The following PATL1 variants were observed in gnomAD, a reference collection of about 807,000 sequenced individuals.
The protein encoded by PATL1 is PAT1 homolog 1, processing body mRNA decay factor.
In PATL1, 32 loss-of-function variants were observed where a neutral mutation model predicts 100.6. That is an observed-to-expected ratio of 0.32 (90% CI 0.24 to 0.43). The LOEUF is 0.43. Among genes scored for constraint, PATL1 ranks in the 20% least tolerant of loss-of-function variants. PATL1 has a pLI of 1.00. For missense variants in PATL1, 747 were observed against 949.9 expected (o/e 0.79, Z 2.81); for synonymous variants, 332 against 330.0 (o/e 1.01, Z -0.07).
rs1490968273 is a variant in PATL1, at chr11:59,639,121, G to A, written c.2218C>T (p.Pro740Ser). The change falls in exon 18 of 19, where the codon CCT (proline) becomes TCT (serine). Residue 740 changes from proline to serine, a missense_variant. This residue lies in a region of PATL1 where 434 missense variants were observed against 596.1 expected (regional missense o/e 0.73). Transcript: ENST00000300146. ...QAALAKPISI[P>S]TNLVSLFSRY... ...GAAAAGAGGGACACTAGGTTTGTAG[G>A]TATAGAGATTGGCTTGGCCAGGGCT... 1.9e-6 allele frequency: 3 copies of A among 1,614,028 alleles called. No individual in the cohort carries two copies. Among genetic ancestry groups the A allele is most frequent in the Admixed American group, 1.7e-5 (1 of 60,016 alleles).
chr11:59,652,342 T>C, intron 11 of PATL1, 122 bp downstream of exon 11: 1 of 1,377,494 alleles, frequency 7.3e-7, no homozygotes, highest in Non-Finnish European at 9.6e-7. Context: ...ACAATGGTAC[T>C]TTTAAAATCA....
chr11:59,654,772 A>G (rs1861501725), intron 8 of PATL1, among the ~76,000 whole-genome samples: 1 of 152,200 alleles, frequency 6.6e-6, no homozygotes, highest in South Asian at 2.1e-4. Flanking sequence ...TATTTGGTCA[A>G]ACACTGTTTA....
At chr11:59,644,543 C>G (rs939738904) in intron 15 of PATL1, among the ~76,000 whole-genome samples, 4 of 152,082 alleles carry the variant, frequency 2.6e-5, no homozygotes, top group African/African-American at 4.8e-5. Flanking sequence ...TGGCCCTTTT[C>G]TCTTGTTATT....
At chr11:59,658,767 T>C (rs1861580665) in intron 4 of PATL1, 99 bp downstream of exon 4, 7 of 853,610 alleles carry the variant, frequency 8.2e-6, no homozygotes, top group Non-Finnish European at 1.3e-5. Flanking sequence ...TTCTAGCAAA[T>C]GAAAGACCTA....
At chr11:59,658,163 C>CAA (rs746089908) in intron 4 of PATL1, among the ~76,000 whole-genome samples, 4 of 107,986 alleles carry the variant, frequency 3.7e-5, no homozygotes, top group Non-Finnish European at 5.6e-5. Context: ...GACCTGGTCT[C>CAA]AAAAAAAAAA....
Position 59,659,422 on chromosome 11 carries a change from T to C in PATL1, c.175A>G (p.Lys59Glu). 1 of 1,551,382 alleles carries C rather than the reference T, an allele frequency of 6.4e-7. No homozygotes were observed. The highest frequency in any genetic ancestry group is 8.7e-7 in the Non-Finnish European group (1 of 1,146,928). The change falls in exon 3 of 19, where the codon AAG becomes GAG. Residue 59 changes from lysine (K) to glutamate (E), a missense_variant. Physicochemically the swap from Lys to Glu is moderately conservative, Grantham distance 56. This residue lies in a region of PATL1 where 183 missense variants were observed against 221.2 expected (regional missense o/e 0.83). Coordinates refer to ENST00000300146, the MANE Select transcript of PATL1 (RefSeq NM_152716.3). ...AHERLAELEE[K>E]LPVAVNEQTG... ...TGTTCATTAACTGCCACTGGTAGCT[T>C]TTCTTCCAATTCAGCCAGGCGCTCA... is the stretch of plus-strand genomic sequence containing the variant.
chr11:59,650,483 C>T (rs936995317), intron 13 of PATL1, among the ~76,000 whole-genome samples: 2 of 152,176 alleles, frequency 1.3e-5, no homozygotes, highest in African/African-American at 4.8e-5. Flanking sequence ...GTGACTTGCC[C>T]AGACACTCAG....
chr11:59,653,811 GCTT>G (rs1370575096), intron 9 of PATL1, among the ~76,000 whole-genome samples, 169 bp downstream of exon 9: 1 of 151,934 alleles, frequency 6.6e-6, no homozygotes, highest in Non-Finnish European at 1.5e-5. Context: ...TCTGTTCCTT[GCTT>G]CTTTACTCAA....
rs748024058 is a variant in PATL1, at chr11:59,655,628, A to C, written c.926T>G (p.Leu309Arg). Residue 309 changes from leucine (L) to arginine (R), a missense_variant, in exon 8 of 19, where the codon CTT becomes CGT. This residue lies in a region of PATL1 where 434 missense variants were observed against 596.1 expected (regional missense o/e 0.73). Coordinates refer to ENST00000300146, the MANE Select transcript of PATL1 (RefSeq NM_152716.3). ...GGCACGGAAGCCTGGTGCTGGGGGA[A>C]GCATCTGCCCAACTCGCCCTTGTAG... is the stretch of plus-strand genomic sequence containing the variant. ...KLLQGRVGQM[L>R]PPAPGFRAFF... 6.3e-6 allele frequency: 10 copies of C among 1,598,174 alleles called. No individual in the cohort carries two copies. The highest frequency in any genetic ancestry group is 8.5e-6 in the Non-Finnish European group (10 of 1,172,234).
At chr11:59,656,450 G>A in intron 6 of PATL1, 49 bp downstream of exon 6, 1 of 1,460,438 alleles carries the variant, frequency 6.8e-7, no homozygotes, top group South Asian at 1.2e-5. Context: ...TACAAATAGT[G>A]ATCAGAAAAT....
Position 59,652,594 on chromosome 11 carries a change from C to T in PATL1, c.1303-7G>A, listed in dbSNP as rs754532776. On this transcript the variant is annotated splice_region_variant and splice_polypyrimidine_tract_variant and intron_variant, in intron 10 of 18. Transcript: ENST00000300146. ...CCAGTTTTTCAAAGTAATTCTACCA[C>T]GAGAAGATGATTTCAGTTGTAACAC... 86 of 1,612,424 alleles carry T rather than the reference C, an allele frequency of 5.3e-5. No homozygotes were observed. The highest frequency in any genetic ancestry group is 1.2e-4 in the South Asian group (11 of 90,802).
At chr11:59,653,378 G>C (rs899957887) in intron 9 of PATL1, among the ~76,000 whole-genome samples, 7 of 152,174 alleles carry the variant, frequency 4.6e-5, no homozygotes, top group African/African-American at 9.7e-5. Flanking sequence ...CATACATCTA[G>C]TGGTGGACTA....
rs114225874 is a variant in PATL1, at chr11:59,664,413, T to C, written c.127+2440A>G. On this transcript the variant is annotated intron_variant, in intron 2 of 18. Coordinates refer to ENST00000300146, the MANE Select transcript of PATL1 (RefSeq NM_152716.3). ...GTTGAAAACTGAGAACATGGTACAATGCTGCCTCATTTTAATGTCTATAAA... is the reference window on the plus strand; with the variant it reads ...GTTGAAAACTGAGAACATGGTACAACGCTGCCTCATTTTAATGTCTATAAA... Among the ~76,000 whole-genome samples, 161 of 152,332 alleles carry C rather than the reference T, an allele frequency of 1.1e-3. 1 individual carries two copies. The highest frequency in any genetic ancestry group is 3.6e-3 in the African/African-American group (150 of 41,582).
intron 1 of PATL1, chr11:59,667,207 A>C (rs1043319707): frequency 3.9e-6 from 2 of 514,640 alleles, no homozygotes; most frequent in Admixed American, 1.3e-4. Flanking sequence ...ACAGCATTCC[A>C]TTTCTCTATT....
intron 10 of PATL1, 93 bp from the exon 11 acceptor site, chr11:59,652,680 G>A: frequency 6.5e-7 from 1 of 1,549,854 alleles, no homozygotes; most frequent in Non-Finnish European, 8.7e-7. Flanking sequence ...AGTAACACAA[G>A]TTCAGCTCTA....
rs1034352323 is a variant in PATL1 at position 59,655,455 on chromosome 11, A to G, written c.1031+68T>C. ...AGTTAGCAAATATCAAGAGACTTAT[A>G]AAACTACACATCCACAATCAAGAGA... On this transcript the variant is annotated intron_variant, in intron 8 of 18. Transcript: ENST00000300146. The G allele has an allele frequency of 6.0e-4, 792 of 1,321,780 alleles. 7 individuals are homozygous for G. The highest frequency in any genetic ancestry group is 2.2e-4 in the Non-Finnish European group (219 of 978,532). 81.9% of individuals were successfully genotyped at this position (1,321,780 alleles called of 1,614,324 possible).
At chr11:59,663,043 T>G (rs913607858) in intron 2 of PATL1, among the ~76,000 whole-genome samples, 3 of 152,182 alleles carry the variant, frequency 2.0e-5, no homozygotes, top group Non-Finnish European at 4.4e-5. Flanking sequence ...TTAGAGATAT[T>G]GTGCCCTTAC....
At chr11:59,650,649 A>C in intron 13 of PATL1, 105 bp downstream of exon 13, 2 of 786,972 alleles carry the variant, frequency 2.5e-6, no homozygotes, top group Non-Finnish European at 4.0e-6. Flanking sequence ...CATGAATTAA[A>C]ACCAAAGAAC....
chr11:59,659,554 CAG>C (rs1861599407), intron 2 of PATL1, 85 bp from the exon 3 acceptor site: 5 of 1,221,498 alleles, frequency 4.1e-6, no homozygotes, highest in Admixed American at 4.8e-5. Context: ...TTTTTTTAGA[CAG>C]AGTCTCACTC....
Sources: gnomAD v4.1 joint callset for allele counts (sites outside exome capture counted in the v4.1 genomes callset) on GRCh38, gnomAD v4.1.1 for gene constraint, gnomAD v4.1.1 regional missense constraint, MANE v1.5 for transcripts, NCBI Gene and HGNC (gene_info 2026-07-23, HGNC 2026-07-21) for gene names.